KATNIP: variants seen among roughly 807,000 people sequenced by gnomAD.
The protein encoded by KATNIP is katanin interacting protein.
KATNIP carries 126 observed loss-of-function variants against 174.0 expected under a neutral mutation model. The observed-to-expected ratio is 0.72, with a 90% CI of 0.63 to 0.84. KATNIP has a LOEUF of 0.84. Among genes scored for constraint, KATNIP ranks in the 40% least tolerant of loss-of-function variants. The probability of loss-of-function intolerance (pLI) is 0.00; values close to 1 mark genes in which losing one functional copy is unlikely to be tolerated. For synonymous variants in KATNIP, 810 were observed against 835.7 expected (o/e 0.97, Z 0.53); for missense variants, 1,958 against 2,109.7 (o/e 0.93, Z 1.41).
Position 27,699,568 on chromosome 16 carries a change from G to A in KATNIP, c.1148G>A (p.Ser383Asn). ...GGACCACCAGCAAAACCATGGACCAGTCTGCTGGAGGAGAAGGAAGAGACC... is the reference window on the plus strand; with the variant it reads ...GGACCACCAGCAAAACCATGGACCAATCTGCTGGAGGAGAAGGAAGAGACC... Reference protein sequence around the residue: ...AEGPPAKPWTSLLEEKEETLE... With the variant: ...AEGPPAKPWTNLLEEKEETLE... The change falls in exon 10 of 28, where the codon AGT (serine) becomes AAT (asparagine). Residue 383 changes from serine (S) to asparagine (N), a missense_variant. Ser to Asn is a conservative substitution (Grantham distance 46). Coordinates refer to ENST00000261588, the MANE Select transcript of KATNIP (RefSeq NM_015202.5). The A allele has an allele frequency of 6.2e-7, 1 of 1,614,210 alleles. No individual in the cohort carries two copies. The highest frequency in any genetic ancestry group is 1.1e-5 in the South Asian group (1 of 91,084).
At chr16:27,678,392 C>T (rs1409332302) in intron 7 of KATNIP, among the ~76,000 whole-genome samples, 1 of 152,112 alleles carries the variant, frequency 6.6e-6, no homozygotes, top group Non-Finnish European at 1.5e-5. Context: ...CCCTCTCCGT[C>T]TCCATCTCTC....
chr16:27,758,697 A>G (rs1346671417), intron 18 of KATNIP, among the ~76,000 whole-genome samples: 2 of 152,188 alleles, frequency 1.3e-5, no homozygotes, highest in Non-Finnish European at 2.9e-5. Context: ...TCTTCCAGAA[A>G]TGCAAAAACA....
chr16:27,568,736 T>G (rs2090178623), intron 1 of KATNIP, among the ~76,000 whole-genome samples: 1 of 152,250 alleles, frequency 6.6e-6, no homozygotes, highest in Non-Finnish European at 1.5e-5. Context: ...GTGCTGGGAT[T>G]ACAGGTGTGA....
intron 14 of KATNIP, among the ~76,000 whole-genome samples, chr16:27,724,551 G>A (rs1252305471): frequency 1.3e-5 from 2 of 152,194 alleles, no homozygotes; most frequent in African/African-American, 2.4e-5. Context: ...GGTGCTTGGG[G>A]GAGCTGTTGG....
At chr16:27,589,928 C>T (rs111959725) in intron 2 of KATNIP, among the ~76,000 whole-genome samples, 2,538 of 152,180 alleles carry the variant, frequency 0.017, 69 homozygotes, top group African/African-American at 0.057. Context: ...CAGGCACCCA[C>T]CACCATGCCT....
At chr16:27,704,119 A>ACCCCC in intron 12 of KATNIP, 121 bp downstream of exon 12, 1 of 711,954 alleles carries the variant, frequency 1.4e-6, no homozygotes, top group Non-Finnish European at 2.4e-6. Context: ...CTGTGTTTCC[A>ACCCCC]CCGCCCCCCC....
chr16:27,650,248 G>A (rs984296871), intron 6 of KATNIP, among the ~76,000 whole-genome samples: 3 of 152,128 alleles, frequency 2.0e-5, no homozygotes, highest in African/African-American at 7.2e-5. Flanking sequence ...GCGTGCAACG[G>A]CATGAGGCCA....
intron 2 of KATNIP, among the ~76,000 whole-genome samples, chr16:27,581,299 A>G (rs1362547497): frequency 6.6e-6 from 1 of 152,248 alleles, no homozygotes; most frequent in African/African-American, 2.4e-5. Flanking sequence ...AGGAATAGCC[A>G]AAGGTTAAAT....
At chr16:27,550,577 T>TG (rs2089309070) in intron 1 of KATNIP, among the ~76,000 whole-genome samples, 1 of 152,064 alleles carries the variant, frequency 6.6e-6, no homozygotes, top group South Asian at 2.1e-4. Flanking sequence ...GGAATTGGTG[T>TG]GGGGGGTGAA....
Position 27,750,258 on chromosome 16 carries a change from T to C in KATNIP, c.3298T>C (p.Cys1100Arg), listed in dbSNP as rs370723181. 2 of 1,613,800 alleles carry C rather than the reference T, an allele frequency of 1.2e-6. No homozygotes were observed. Among genetic ancestry groups the C allele is most frequent in the Non-Finnish European group, 1.7e-6 (2 of 1,179,938 alleles). ...KDITMLLDTQCIFEGEIAKAS... is the reference protein window; with the variant it reads ...KDITMLLDTQRIFEGEIAKAS... ...CATCACAATGCTGTTAGACACCCAG[T>C]GCATCTTTGAAGGAGAAATCGCCAA... The change falls in exon 16 of 28, where the codon TGC becomes CGC. Residue 1100 changes from cysteine (C) to arginine (R), a missense_variant. Cys to Arg is a radical substitution (Grantham distance 180). This residue lies in a region of KATNIP where 1,557 missense variants were observed against 1,617.8 expected (regional missense o/e 0.96). Transcript: ENST00000261588.
intron 2 of KATNIP, among the ~76,000 whole-genome samples, chr16:27,576,861 C>A (rs1459919897): frequency 2.0e-5 from 3 of 152,122 alleles, no homozygotes; most frequent in African/African-American, 7.2e-5. Context: ...CTGGTTAGAA[C>A]AAATGTTGTA....
At chr16:27,593,285 C>T (rs1219094377) in intron 2 of KATNIP, among the ~76,000 whole-genome samples, 1 of 134,330 alleles carries the variant, frequency 7.4e-6, no homozygotes, top group Non-Finnish European at 1.5e-5. Flanking sequence ...GTTGCCCAGG[C>T]TGGAGCGCAA....
intron 5 of KATNIP, among the ~76,000 whole-genome samples, chr16:27,636,527 G>A (rs1323228489): frequency 4.0e-5 from 6 of 151,822 alleles, no homozygotes; most frequent in South Asian, 2.1e-4. Flanking sequence ...AGCTATGTAC[G>A]TGTAACCTCT....
Position 27,749,990 on chromosome 16 carries a change from C to A in KATNIP, c.3030C>A (p.Asn1010Lys), listed in dbSNP as rs1316909577. The A allele has an allele frequency of 1.2e-6, 2 of 1,614,194 alleles. No homozygotes were observed. The highest frequency in any genetic ancestry group is 8.5e-7 in the Non-Finnish European group (1 of 1,180,028). The part of the protein sequence containing the change: ...SSKGEPVQIS[N>K]IKADPPDINI... ...AGGGTGAACCGGTGCAGATTTCAAA[C>A]ATAAAAGCAGACCCTCCCGATATCA... The change falls in exon 16 of 28, where the codon AAC (asparagine) becomes AAA (lysine). Residue 1010 changes from asparagine (N) to lysine (K), a missense_variant. This residue lies in a region of KATNIP where 1,557 missense variants were observed against 1,617.8 expected (regional missense o/e 0.96). Transcript: ENST00000261588.
chr16:27,607,558 G>A (rs919375719), intron 2 of KATNIP, among the ~76,000 whole-genome samples: 15 of 151,648 alleles, frequency 9.9e-5, no homozygotes, highest in African/African-American at 3.6e-4. Context: ...TGACTTGGGG[G>A]TGTGGAAGAG....
At chr16:27,737,350 G>A (rs997371602) in intron 14 of KATNIP, among the ~76,000 whole-genome samples, 1 of 152,024 alleles carries the variant, frequency 6.6e-6, no homozygotes, top group South Asian at 2.1e-4. Context: ...CCACTGTAAC[G>A]CCAGCCTGGG....
chr16:27,748,669 A>C (rs911250428), intron 15 of KATNIP, among the ~76,000 whole-genome samples: 1 of 151,896 alleles, frequency 6.6e-6, no homozygotes, highest in Non-Finnish European at 1.5e-5. Context: ...GTATAATCCC[A>C]TGTACTCGGG....
In KATNIP at chr16:27,740,468, C is replaced by T. The variant is rs757194077; in HGVS notation, c.2171C>T (p.Pro724Leu). Residue 724 changes from proline to leucine, a missense_variant, in exon 15 of 28, where the codon CCT (proline) becomes CTT (leucine). This residue lies in a region of KATNIP where 1,557 missense variants were observed against 1,617.8 expected (regional missense o/e 0.96). Coordinates refer to ENST00000261588, the MANE Select transcript of KATNIP (RefSeq NM_015202.5). ...APATSPPVKC[P>L]PVHEEPSLIQ... ...GCCACTTCCCCACCTGTGAAGTGCC[C>T]TCCTGTCCATGAGGAGCCCTCTCTC... The T allele has an allele frequency of 3.7e-6, 6 of 1,614,002 alleles. No homozygotes were observed. Among genetic ancestry groups the T allele is most frequent in the South Asian group, 1.1e-5 (1 of 91,086 alleles).
intron 1 of KATNIP, among the ~76,000 whole-genome samples, chr16:27,557,454 CAG>C (rs1379423722): frequency 7.7e-6 from 1 of 129,688 alleles, no homozygotes; most frequent in African/African-American, 3.0e-5. Flanking sequence ...TTTTTTGAGA[CAG>C]AGTCTTGCTC....
Sources: gnomAD v4.1 joint callset for allele counts (sites outside exome capture counted in the v4.1 genomes callset) on GRCh38, gnomAD v4.1.1 for gene constraint, gnomAD v4.1.1 regional missense constraint, MANE v1.5 for transcripts, NCBI Gene and HGNC (gene_info 2026-07-23, HGNC 2026-07-21) for gene names.